The following DDX6 variants were observed in gnomAD, a reference collection of about 807,000 sequenced individuals.
The protein encoded by DDX6 is DEAD-box helicase 6.
A neutral mutation model predicts 60.6 loss-of-function variants in DDX6; 7 were observed. That is an observed-to-expected ratio of 0.12 (90% CI 0.07 to 0.22). The LOEUF is 0.22. Ranked by LOEUF, DDX6 falls within the 10% of genes least tolerant of loss-of-function variation. The pLI is 1.00. For synonymous variants in DDX6, 207 were observed against 201.0 expected (o/e 1.03, Z -0.25); for missense variants, 270 against 589.9 (o/e 0.46, Z 5.62).
At chr11:118,753,102 C>T (rs1174674168) in intron 13 of DDX6, among the ~76,000 whole-genome samples, 2 of 152,174 alleles carry the variant, frequency 1.3e-5, no homozygotes, top group African/African-American at 2.4e-5. Flanking sequence ...GACCTCGGCT[C>T]ACTGCAACCT....
intron 13 of DDX6, among the ~76,000 whole-genome samples, chr11:118,754,247 A>G (rs1860886468): frequency 6.6e-6 from 1 of 152,162 alleles, no homozygotes; most frequent in Non-Finnish European, 1.5e-5. Context: ...CTAGGCAACA[A>G]AGCAAGACCT....
At chr11:118,762,833 G>A (rs1250678355) in intron 7 of DDX6, among the ~76,000 whole-genome samples, 4 of 152,032 alleles carry the variant, frequency 2.6e-5, no homozygotes, top group Admixed American at 6.6e-5. Flanking sequence ...ATGTAACAGA[G>A]ATTAAAAACC....
chr11:118,783,172 G>A, intron 2 of DDX6, among the ~76,000 whole-genome samples: 1 of 152,010 alleles, frequency 6.6e-6, no homozygotes, highest in East Asian at 1.9e-4. Context: ...GGAAGAGAGG[G>A]CAGAGAAAAT....
At chr11:118,772,029 T>A (rs986975510) in intron 4 of DDX6, among the ~76,000 whole-genome samples, 15 of 151,184 alleles carry the variant, frequency 9.9e-5, no homozygotes, top group African/African-American at 1.2e-4. Context: ...TGTTTTTTTT[T>A]ATAATAGTAC....
rs1156975215 is a variant in DDX6 at position 118,749,017 on chromosome 11, TCTTA to T, written c.*3084_*3087del. 4 of 152,188 alleles carry T rather than the reference TCTTA, an allele frequency of 2.6e-5. No homozygotes were observed. Among genetic ancestry groups the T allele is most frequent in the African/African-American group, 7.2e-5 (3 of 41,436 alleles). The allele number at this position is 152,188 out of a possible 1,614,324, so 9.4% of individuals were successfully genotyped here. A position where few individuals can be genotyped will look rare whatever the true frequency, so the allele number is the denominator to read the frequency against. ...AGAGGTATATTTAGGTTTCCCTCTC[TCTTA>T]CTTCTGTGAAAGATCATTTTAGAAT... On this transcript the variant is annotated 3_prime_UTR_variant, in exon 14 of 14. Coordinates refer to ENST00000534980, the MANE Select transcript of DDX6 (RefSeq NM_004397.6).
At chr11:118,779,590 T>C in intron 4 of DDX6, 42 bp downstream of exon 4, 3 of 1,329,268 alleles carry the variant, frequency 2.3e-6, no homozygotes, top group South Asian at 1.3e-5. Flanking sequence ...GTTTAATGGT[T>C]GACACATAAC....
intron 11 of DDX6, among the ~76,000 whole-genome samples, 181 bp from the exon 12 acceptor site, chr11:118,755,684 G>A (rs1555158630): frequency 6.6e-6 from 1 of 152,020 alleles, no homozygotes; most frequent in African/African-American, 2.4e-5. Flanking sequence ...CTGCTCCCAA[G>A]TTACTTTTTT....
chr11:118,756,317 G>T lies in DDX6; in HGVS notation c.1117C>A (p.Arg373=), dbSNP rs1555158929. Residue 373 remains arginine, a synonymous_variant, in exon 11 of 14, where the codon CGA becomes AGA. Coordinates refer to ENST00000534980, the MANE Select transcript of DDX6 (RefSeq NM_004397.6). The stretch of plus-strand genomic sequence containing the variant: ...CGGAAATCATGAAATACACGATTTC[G>T]ATGTTCCTAGGAGAAAGCAATGTAT... ...YIHAKMRQEH[R]NRVFHDFRNG... The T allele has an allele frequency of 6.2e-7, 1 of 1,612,632 alleles. No homozygotes were observed. Among genetic ancestry groups the T allele is most frequent in the Admixed American group, 1.7e-5 (1 of 60,000 alleles).
intron 5 of DDX6, 55 bp from the exon 6 acceptor site, chr11:118,765,410 G>A (rs1478186977): frequency 1.9e-6 from 3 of 1,561,676 alleles, no homozygotes; most frequent in Non-Finnish European, 1.8e-6. Context: ...GGGAGAACAT[G>A]CTATACATCA....
intron 2 of DDX6, among the ~76,000 whole-genome samples, chr11:118,785,598 A>G (rs1029386831): frequency 6.6e-6 from 1 of 152,068 alleles, no homozygotes; most frequent in Non-Finnish European, 1.5e-5. Flanking sequence ...CTTGGAGTTC[A>G]GAAGGCTGGG....
At chr11:118,758,078 A>T (rs1861039160) in intron 9 of DDX6, among the ~76,000 whole-genome samples, 2 of 152,122 alleles carry the variant, frequency 1.3e-5, no homozygotes, top group East Asian at 3.9e-4. Flanking sequence ...GCTTTCTTCG[A>T]CCTCAGCTGG....
At chr11:118,779,961 CAA>C (rs1861835058) in intron 3 of DDX6, among the ~76,000 whole-genome samples, 1 of 151,516 alleles carries the variant, frequency 6.6e-6, no homozygotes, top group Non-Finnish European at 1.5e-5. Context: ...ACGAAAAATA[CAA>C]AAAATTAGCC....
At chr11:118,771,497 C>T (rs1007228855) in intron 4 of DDX6, among the ~76,000 whole-genome samples, 1 of 152,172 alleles carries the variant, frequency 6.6e-6, no homozygotes, top group Non-Finnish European at 1.5e-5. Context: ...TCAGTGAATT[C>T]AGCACATCCA....
rs372744661 is a variant in DDX6, at chr11:118,755,318, T to A, written c.1276+84A>T. 19 of 786,834 alleles carry A rather than the reference T, an allele frequency of 2.4e-5. No individual in the cohort carries two copies. In the African/African-American group the frequency reaches 3.3e-4, roughly 13 times the overall value. The allele number at this position is 786,834 out of a possible 1,614,324, so 48.7% of individuals were successfully genotyped here. A position where few individuals can be genotyped will look rare whatever the true frequency, so the allele number is the denominator to read the frequency against. On this transcript the variant is annotated intron_variant, in intron 12 of 13. Transcript: ENST00000534980. Reference sequence around the variant, plus strand: ...TTCACTGTTCTCATAGCTACTGTACTCTATTTCACAAAAGAACAAAATTTA... The same window carrying A: ...TTCACTGTTCTCATAGCTACTGTACACTATTTCACAAAAGAACAAAATTTA...
chr11:118,758,154 C>T (rs1861042148), intron 9 of DDX6, among the ~76,000 whole-genome samples: 2 of 152,194 alleles, frequency 1.3e-5, no homozygotes, highest in South Asian at 4.1e-4. Context: ...GACTGCTGAA[C>T]TACCTTGAGT....
intron 9 of DDX6, 44 bp downstream of exon 9, chr11:118,758,725 TTACTG>T: frequency 1.2e-6 from 2 of 1,601,144 alleles, no homozygotes; most frequent in Non-Finnish European, 1.7e-6. Context: ...ATCATCTGTT[TTACTG>T]GGACTCGAGA....
chr11:118,787,680 TC>T (rs1447844263), intron 1 of DDX6: 1 of 152,152 alleles, frequency 6.6e-6, no homozygotes, highest in Non-Finnish European at 1.5e-5. Context: ...TTTTCTTTTT[TC>T]CTTTTTGTCC....
Position 118,751,024 on chromosome 11 carries a change from C to G in DDX6, c.*1081G>C, listed in dbSNP as rs1172645500. ...CTGCTCCCATAATCACTCTAATCCC[C>G]TTAATCCCAGCAACCTTCATCCAAA... On this transcript the variant is annotated 3_prime_UTR_variant, in exon 14 of 14. Transcript: ENST00000534980. 1.3e-5 allele frequency: 2 copies of G among 150,670 alleles called. No individual in the cohort carries two copies. The highest frequency in any genetic ancestry group is 3.9e-4 in the East Asian group (2 of 5,154). 9.3% of individuals were successfully genotyped at this position (150,670 alleles called of 1,614,324 possible).
chr11:118,781,324 A>G lies in DDX6; in HGVS notation c.201-140T>C, dbSNP rs527580856. 196 of 590,950 alleles carry G rather than the reference A, an allele frequency of 3.3e-4. 1 individual carries two copies. The African/African-American group carries it at 3.4e-3, about 10-fold the overall frequency. 36.6% of individuals were successfully genotyped at this position (590,950 alleles called of 1,614,324 possible). ...TTAATATATCTAACAAGATAATTAA[A>G]CAACTTTAGAAAAAGTGTTCTTATA... On this transcript the variant is annotated intron_variant, in intron 2 of 13. Coordinates refer to ENST00000534980, the MANE Select transcript of DDX6 (RefSeq NM_004397.6).
Sources: gnomAD v4.1 joint callset for allele counts (sites outside exome capture counted in the v4.1 genomes callset) on GRCh38, gnomAD v4.1.1 for gene constraint, MANE v1.5 for transcripts, NCBI Gene and HGNC (gene_info 2026-07-23, HGNC 2026-07-21) for gene names.